The following AK5 variants were observed in gnomAD, a reference collection of about 807,000 sequenced individuals.
AK5 encodes adenylate kinase isoenzyme 5.
Under a neutral mutation model 69.5 loss-of-function variants are expected in AK5, and 27 were observed. That is an observed-to-expected ratio of 0.39 (90% CI 0.29 to 0.54). The LOEUF is 0.54. Among genes scored for constraint, AK5 ranks in the 20% least tolerant of loss-of-function variants. The pLI is 0.71. For missense variants in AK5, 531 were observed against 700.4 expected (o/e 0.76, Z 2.73); for synonymous variants, 260 against 244.4 (o/e 1.06, Z -0.60).
chr1:77,473,628 AT>A (rs1280427077), intron 8 of AK5, among the ~76,000 whole-genome samples: 6 of 152,112 alleles, frequency 3.9e-5, no homozygotes, highest in Admixed American at 3.3e-4. Context: ...CTCTATCACT[AT>A]TTTTACTATA....
chr1:77,387,249 T>G (rs1350306728), intron 6 of AK5, among the ~76,000 whole-genome samples: 1 of 152,190 alleles, frequency 6.6e-6, no homozygotes, highest in Non-Finnish European at 1.5e-5. Flanking sequence ...AGTTAAGCAA[T>G]TATAGCAACC....
intron 6 of AK5, among the ~76,000 whole-genome samples, chr1:77,398,254 C>A (rs985601535): frequency 6.6e-6 from 1 of 152,154 alleles, no homozygotes; most frequent in African/African-American, 2.4e-5. Context: ...CCCCTAGTCA[C>A]ACATCTGTTG....
At chr1:77,499,337 T>C (rs1406446543) in intron 10 of AK5, among the ~76,000 whole-genome samples, 1 of 152,206 alleles carries the variant, frequency 6.6e-6, no homozygotes, top group Non-Finnish European at 1.5e-5. Context: ...TGTGACATGT[T>C]ACTGCGACTC....
rs764706908 is a variant in AK5, at chr1:77,423,233, A to AAAAG, written c.1059+5521_1059+5522insGAAA. On this transcript the variant is annotated intron_variant, in intron 8 of 13. Transcript: ENST00000354567. Reference sequence around the variant, plus strand: ...AAGACTCCGTCTAAAAAAAAAAATAAAAAAAAAAGAAGAACTACTGTTGTC... The same window carrying AAAAG: ...AAGACTCCGTCTAAAAAAAAAAATAAAAAGAAAAAAAAGAAGAACTACTGTTGTC... 7.2e-3 allele frequency among the ~76,000 whole-genome samples: 1,048 copies of AAAAG among 145,616 alleles called. 26 individuals are homozygous for AAAAG. Among genetic ancestry groups the AAAAG allele is most frequent in the Non-Finnish European group, 0.012 (756 of 65,138 alleles).
At chr1:77,546,092 C>T (rs141594291) in intron 13 of AK5, among the ~76,000 whole-genome samples, 7 of 152,264 alleles carry the variant, frequency 4.6e-5, no homozygotes, top group Middle Eastern at 3.4e-3. Context: ...ACTGTTTGCA[C>T]CCCTGCGGTC....
intron 12 of AK5, among the ~76,000 whole-genome samples, chr1:77,523,912 C>T (rs1170724865): frequency 3.9e-5 from 6 of 152,156 alleles, no homozygotes; most frequent in African/African-American, 1.4e-4. Flanking sequence ...GTGATCCTCT[C>T]ACCTCAGCCT....
chr1:77,554,910 C>A (rs552092028), intron 13 of AK5, among the ~76,000 whole-genome samples: 1 of 152,114 alleles, frequency 6.6e-6, no homozygotes, highest in South Asian at 2.1e-4. Context: ...GCCACCATGC[C>A]CAGCCTCTGC....
chr1:77,452,352 A>G (rs1348059972), intron 8 of AK5, among the ~76,000 whole-genome samples: 2 of 152,248 alleles, frequency 1.3e-5, no homozygotes, highest in Non-Finnish European at 2.9e-5. Flanking sequence ...AAAAAAGGAT[A>G]GCATTGCAAT....
chr1:77,471,397 T>C (rs1480079565), intron 8 of AK5, among the ~76,000 whole-genome samples: 1 of 152,254 alleles, frequency 6.6e-6, no homozygotes, highest in East Asian at 1.9e-4. Flanking sequence ...GTTATTGTTA[T>C]TGTAACCATA....
intron 8 of AK5, among the ~76,000 whole-genome samples, chr1:77,454,318 C>T (rs1479958004): frequency 7.2e-6 from 1 of 139,156 alleles, no homozygotes; most frequent in African/African-American, 3.1e-5. Flanking sequence ...TCAAATCCTA[C>T]TCCTAATTGT....
intron 8 of AK5, among the ~76,000 whole-genome samples, chr1:77,461,671 G>A (rs574645993): frequency 2.0e-5 from 3 of 151,894 alleles, no homozygotes; most frequent in South Asian, 2.1e-4. Context: ...TCAGGAGGCT[G>A]AGGCAGGAGA....
chr1:77,363,381 TG>T (rs1193145899), intron 6 of AK5, among the ~76,000 whole-genome samples: 2 of 152,234 alleles, frequency 1.3e-5, no homozygotes, highest in Admixed American at 6.5e-5. Context: ...ACTGGATTCT[TG>T]CCGTGGCCTC....
At chr1:77,518,506 C>A in intron 10 of AK5, 58 bp from the exon 11 acceptor site, 1 of 1,562,338 alleles carries the variant, frequency 6.4e-7, no homozygotes, top group Non-Finnish European at 8.8e-7. Context: ...TGGTGACTAC[C>A]ATTAAAAATG....
intron 8 of AK5, among the ~76,000 whole-genome samples, chr1:77,471,868 T>C (rs1654530335): frequency 2.0e-5 from 3 of 152,214 alleles, no homozygotes; most frequent in Admixed American, 6.5e-5. Flanking sequence ...GCATTGAACA[T>C]TGTCGGCCTT....
At position 77,307,777 on chromosome 1, in the gene AK5, A is replaced by C. The variant is rs1160139360; in HGVS notation, c.699+9830A>C. Among the ~76,000 whole-genome samples the C allele has an allele frequency of 4.6e-5, 7 of 152,266 alleles. No individual in the cohort carries two copies. In the East Asian group the frequency reaches 5.8e-4, roughly 13 times the overall value. Reference sequence around the variant, plus strand: ...GAGAGGCTCTCAGAACTACACCGCCACTTCCAGGGATGAGGGAGGAGTGGC... The same window carrying C: ...GAGAGGCTCTCAGAACTACACCGCCCCTTCCAGGGATGAGGGAGGAGTGGC... On this transcript the variant is annotated intron_variant, in intron 5 of 13. Transcript: ENST00000354567.
At chr1:77,299,868 T>C (rs1374765470) in intron 5 of AK5, among the ~76,000 whole-genome samples, 1 of 152,126 alleles carries the variant, frequency 6.6e-6, no homozygotes, top group Non-Finnish European at 1.5e-5. Context: ...TTTTTAAACA[T>C]GCTATGTTGA....
chr1:77,312,140 G>T (rs1185728215), intron 5 of AK5, among the ~76,000 whole-genome samples: 1 of 152,118 alleles, frequency 6.6e-6, no homozygotes, highest in South Asian at 2.1e-4. Context: ...ACCTAGCTGT[G>T]GTTTAAATAC....
intron 5 of AK5, among the ~76,000 whole-genome samples, chr1:77,328,920 G>T (rs1233378290): frequency 6.6e-6 from 1 of 152,194 alleles, no homozygotes; most frequent in Admixed American, 6.5e-5. Flanking sequence ...AGCCTAAGAG[G>T]CTGTTGCCAG....
intron 5 of AK5, among the ~76,000 whole-genome samples, chr1:77,326,381 C>T (rs1011480291): frequency 5.3e-5 from 8 of 151,216 alleles, no homozygotes; most frequent in South Asian, 2.1e-4. Context: ...CTTTCAGCTA[C>T]GTAAATCAAA....
Sources: gnomAD v4.1 joint callset for allele counts (sites outside exome capture counted in the v4.1 genomes callset) on GRCh38, gnomAD v4.1.1 for gene constraint, MANE v1.5 for transcripts, NCBI Gene and HGNC (gene_info 2026-07-23, HGNC 2026-07-21) for gene names.